The following SPOCK1 variants were observed in gnomAD, a reference collection of about 807,000 sequenced individuals.
SPOCK1 encodes the protein SPARC (osteonectin), cwcv and kazal like domains proteoglycan 1, also known as testican-1.
A neutral mutation model predicts 55.3 loss-of-function variants in SPOCK1; 23 were observed. The observed-to-expected ratio is 0.42, with a 90% CI of 0.30 to 0.59. The LOEUF (loss-of-function observed/expected upper bound fraction) is 0.59, where lower values mean the gene tolerates loss of function less well. Among genes scored for constraint, SPOCK1 ranks in the 20% least tolerant of loss-of-function variants. The pLI, the probability that SPOCK1 is intolerant of heterozygous loss-of-function variation, is 0.22. For synonymous variants in SPOCK1, 226 were observed against 221.0 expected (o/e 1.02, Z -0.20); for missense variants, 499 against 552.5 (o/e 0.90, Z 0.97).
rs181215066 is a variant in SPOCK1, at chr5:137,324,889, G to A, written c.187-57834C>T. Reference sequence around the variant, plus strand: ...GCAGGTTTCCCCACCCCAAAATTTCGTTTCCAAAGGGACAGAGAGAGCAGA... The same window carrying A: ...GCAGGTTTCCCCACCCCAAAATTTCATTTCCAAAGGGACAGAGAGAGCAGA... On this transcript the variant is annotated intron_variant, in intron 2 of 10. Coordinates refer to ENST00000394945, the MANE Select transcript of SPOCK1 (RefSeq NM_004598.4). 2.2e-3 allele frequency among the ~76,000 whole-genome samples: 331 copies of A among 151,074 alleles called. 1 individual carries two copies. The highest frequency in any genetic ancestry group is 4.4e-3 in the South Asian group (21 of 4,772).
intron 2 of SPOCK1, among the ~76,000 whole-genome samples, chr5:137,304,322 C>A (rs1757663377): frequency 6.6e-6 from 1 of 152,164 alleles, no homozygotes; most frequent in Non-Finnish European, 1.5e-5. Context: ...GACCGAGGCC[C>A]TGGAACACAC....
chr5:137,032,478 GGCAA>G (rs1335887040), intron 6 of SPOCK1, among the ~76,000 whole-genome samples: 1 of 152,136 alleles, frequency 6.6e-6, no homozygotes, highest in Non-Finnish European at 1.5e-5. Flanking sequence ...GAAAAGAACA[GGCAA>G]GAAAGCTTGT....
At chr5:137,384,563 C>CATACATATATATATATAT (rs1554078729) in intron 2 of SPOCK1, among the ~76,000 whole-genome samples, 1 of 133,480 alleles carries the variant, frequency 7.5e-6, no homozygotes, top group African/African-American at 3.5e-5. Context: ...TACATACATA[C>CATACATATATATATATAT]ATATATATAT....
chr5:137,004,943 G>A (rs1044587745), intron 6 of SPOCK1, among the ~76,000 whole-genome samples: 1 of 152,192 alleles, frequency 6.6e-6, no homozygotes, highest in Non-Finnish European at 1.5e-5. Flanking sequence ...AGCTGCACAG[G>A]AAAGTAAAAT....
intron 3 of SPOCK1, among the ~76,000 whole-genome samples, chr5:137,249,626 T>C (rs977173554): frequency 6.6e-6 from 1 of 152,220 alleles, no homozygotes; most frequent in Non-Finnish European, 1.5e-5. Flanking sequence ...AGAGTTTTAC[T>C]TTGCCTTTTA....
chr5:137,390,949 T>C (rs1751707999), intron 2 of SPOCK1, among the ~76,000 whole-genome samples: 1 of 152,284 alleles, frequency 6.6e-6, no homozygotes, highest in African/African-American at 2.4e-5. Context: ...TGCAGGTTTG[T>C]TACATAGGTA....
intron 2 of SPOCK1, among the ~76,000 whole-genome samples, chr5:137,435,956 C>A (rs1752856183): frequency 6.6e-6 from 1 of 152,016 alleles, no homozygotes; most frequent in Admixed American, 6.6e-5. Context: ...GAGTTCAAGA[C>A]CAGCCTGGGC....
chr5:137,166,900 G>A (rs1266412550), intron 3 of SPOCK1, among the ~76,000 whole-genome samples: 1 of 151,924 alleles, frequency 6.6e-6, no homozygotes, highest in African/African-American at 2.4e-5. Flanking sequence ...AGGAAAGAAG[G>A]GAAAGAAGGC....
intron 2 of SPOCK1, among the ~76,000 whole-genome samples, chr5:137,404,299 C>T (rs1273106885): frequency 4.6e-5 from 7 of 152,266 alleles, no homozygotes; most frequent in African/African-American, 1.7e-4. Context: ...GGCTGGTGTG[C>T]TCAAGTCTGA....
Position 137,418,113 on chromosome 5 carries a change from G to A in SPOCK1, c.186+80260C>T, listed in dbSNP as rs1305837483. 2.0e-5 allele frequency among the ~76,000 whole-genome samples: 3 copies of A among 152,086 alleles called. No homozygotes were observed. In the South Asian group the frequency reaches 6.2e-4, roughly 32 times the overall value. Reference sequence around the variant, plus strand: ...AATGACGGCTTCCAGCTTCATCCATGTCCCTACAAAGGACATGAACTCATC... The same window carrying A: ...AATGACGGCTTCCAGCTTCATCCATATCCCTACAAAGGACATGAACTCATC... On this transcript the variant is annotated intron_variant, in intron 2 of 10. Transcript: ENST00000394945.
chr5:137,317,087 T>C (rs1275106872), intron 2 of SPOCK1, among the ~76,000 whole-genome samples: 1 of 152,158 alleles, frequency 6.6e-6, no homozygotes, highest in East Asian at 1.9e-4. Flanking sequence ...ACATGGATGG[T>C]CCTTGATTTT....
At chr5:137,496,895 A>G (rs997900824) in intron 2 of SPOCK1, among the ~76,000 whole-genome samples, 1 of 152,210 alleles carries the variant, frequency 6.6e-6, no homozygotes, top group Non-Finnish European at 1.5e-5. Flanking sequence ...CAATTTCGAT[A>G]AAAGGCCCCA....
intron 5 of SPOCK1, among the ~76,000 whole-genome samples, chr5:137,074,032 C>T (rs1752675197): frequency 2.8e-5 from 1 of 36,122 alleles, no homozygotes; most frequent in African/African-American, 5.6e-5. Flanking sequence ...CTGTGAGGCA[C>T]TGTATTAAAA....
intron 2 of SPOCK1, among the ~76,000 whole-genome samples, chr5:137,375,217 A>G (rs1751287233): frequency 6.6e-6 from 1 of 152,244 alleles, no homozygotes; most frequent in South Asian, 2.1e-4. Flanking sequence ...AAACTGTAGT[A>G]ATAAACTCAC....
intron 6 of SPOCK1, among the ~76,000 whole-genome samples, chr5:137,021,962 A>T (rs921568559): frequency 1.3e-5 from 2 of 152,188 alleles, no homozygotes; most frequent in Non-Finnish European, 2.9e-5. Flanking sequence ...TTGGAAAAAA[A>T]CTGTGGCAGT....
chr5:137,452,846 T>G (rs1753284425), intron 2 of SPOCK1, among the ~76,000 whole-genome samples: 1 of 152,172 alleles, frequency 6.6e-6, no homozygotes, highest in Admixed American at 6.6e-5. Flanking sequence ...TCTCAAGAAA[T>G]ATACATTAAA....
intron 3 of SPOCK1, among the ~76,000 whole-genome samples, chr5:137,201,234 G>T (rs1755420148): frequency 6.6e-6 from 1 of 152,134 alleles, no homozygotes; most frequent in African/African-American, 2.4e-5. Flanking sequence ...GAAGCATGCT[G>T]CCCATCTAGG....
chr5:137,434,554 C>T (rs768201771), intron 2 of SPOCK1, among the ~76,000 whole-genome samples: 1 of 117,328 alleles, frequency 8.5e-6, no homozygotes, highest in Non-Finnish European at 1.6e-5. Flanking sequence ...GTGCATGGTG[C>T]GATGGTGCGA....
At chr5:137,099,092 C>T (rs1459237750) in intron 5 of SPOCK1, among the ~76,000 whole-genome samples, 1 of 152,210 alleles carries the variant, frequency 6.6e-6, no homozygotes, top group African/African-American at 2.4e-5. Context: ...GGTGCCCACA[C>T]CTTTTTTATC....
Sources: gnomAD v4.1 joint callset for allele counts (sites outside exome capture counted in the v4.1 genomes callset) on GRCh38, gnomAD v4.1.1 for gene constraint, MANE v1.5 for transcripts, NCBI Gene and HGNC (gene_info 2026-07-23, HGNC 2026-07-21) for gene names.